The following KCNIP4 variants were observed in gnomAD, a reference collection of about 807,000 sequenced individuals.
KCNIP4 encodes the protein potassium voltage-gated channel interacting protein 4.
Under a neutral mutation model 34.0 loss-of-function variants are expected in KCNIP4, and 12 were observed. That is an observed-to-expected ratio of 0.35 (90% CI 0.23 to 0.57). The LOEUF (loss-of-function observed/expected upper bound fraction) is 0.57, where lower values mean the gene tolerates loss of function less well. KCNIP4 is among the 20% of genes least tolerant of loss of function. The pLI is 0.83. For missense variants in KCNIP4, 238 were observed against 311.7 expected, an observed-to-expected ratio of 0.76 and a Z score of 1.78; for synonymous variants, 124 against 102.2, an observed-to-expected ratio of 1.21 and a Z score of -1.29.
intron 1 of KCNIP4, among the ~76,000 whole-genome samples, chr4:21,922,241 C>T (rs540421217): frequency 6.6e-6 from 1 of 152,302 alleles, no homozygotes; most frequent in South Asian, 2.1e-4. Context: ...CACCCTACTG[C>T]TCTTGGCCCA....
intron 1 of KCNIP4, among the ~76,000 whole-genome samples, chr4:21,346,080 T>A (rs946566992): frequency 7.9e-6 from 1 of 127,238 alleles, no homozygotes; most frequent in Non-Finnish European, 1.6e-5. Context: ...ATATATATAT[T>A]TAAGATATTT....
At chr4:21,115,426 T>C (rs1375964990) in intron 1 of KCNIP4, among the ~76,000 whole-genome samples, 1 of 152,198 alleles carries the variant, frequency 6.6e-6, no homozygotes, top group Non-Finnish European at 1.5e-5. Context: ...TTCCTGTTGT[T>C]TAAATGAATA....
At chr4:20,998,084 T>C (rs376443125) in intron 1 of KCNIP4, among the ~76,000 whole-genome samples, 4 of 152,096 alleles carry the variant, frequency 2.6e-5, no homozygotes, top group African/African-American at 9.6e-5. Flanking sequence ...AAGGAGATAA[T>C]TGAAGTGACA....
At chr4:21,628,714 G>GA (rs1053116308) in intron 1 of KCNIP4, among the ~76,000 whole-genome samples, 7 of 151,432 alleles carry the variant, frequency 4.6e-5, no homozygotes, top group African/African-American at 1.7e-4. Context: ...AACGGCACTA[G>GA]AAAAAAAACA....
At chr4:20,980,078 C>T (rs1197454572) in intron 1 of KCNIP4, among the ~76,000 whole-genome samples, 1 of 152,212 alleles carries the variant, frequency 6.6e-6, no homozygotes, top group Non-Finnish European at 1.5e-5. Context: ...CTCCATTAAA[C>T]CTTCTCTGGA....
At chr4:21,308,226 A>T (rs1712705394) in intron 1 of KCNIP4, among the ~76,000 whole-genome samples, 1 of 152,212 alleles carries the variant, frequency 6.6e-6, no homozygotes. Flanking sequence ...CGTTTGGATT[A>T]CTTAAACTTG....
At chr4:21,875,383 T>C (rs1726051088) in intron 1 of KCNIP4, among the ~76,000 whole-genome samples, 1 of 152,170 alleles carries the variant, frequency 6.6e-6, no homozygotes, top group Admixed American at 6.5e-5. Flanking sequence ...TTCAAACAAA[T>C]AAATAGATAG....
intron 3 of KCNIP4, among the ~76,000 whole-genome samples, chr4:20,831,183 A>C (rs1718389066): frequency 6.9e-6 from 1 of 145,064 alleles, no homozygotes; most frequent in African/African-American, 2.5e-5. Flanking sequence ...GAGCATCAGG[A>C]TCTAGCACAT....
At chr4:21,422,165 GTATTT>G (rs1424019637) in intron 1 of KCNIP4, among the ~76,000 whole-genome samples, 1 of 151,124 alleles carries the variant, frequency 6.6e-6, no homozygotes, top group African/African-American at 2.4e-5. Context: ...ACAGACAGAA[GTATTT>G]TATATTATAA....
chr4:21,610,922 A>G (rs927650258), intron 1 of KCNIP4, among the ~76,000 whole-genome samples: 5 of 151,864 alleles, frequency 3.3e-5, no homozygotes, highest in African/African-American at 1.2e-4. Context: ...GCACCCATCA[A>G]CTCATCATCT....
intron 1 of KCNIP4, among the ~76,000 whole-genome samples, chr4:21,768,834 TATG>T (rs1718592590): frequency 6.6e-6 from 1 of 152,182 alleles, no homozygotes. Flanking sequence ...AATTGGGTTA[TATG>T]ATGTTTATCA....
rs183632406 is a variant in KCNIP4 at position 21,259,820 on chromosome 4, C to T, written c.62-377111G>A. On this transcript the variant is annotated intron_variant, in intron 1 of 8. Coordinates refer to ENST00000382152, the MANE Select transcript of KCNIP4 (RefSeq NM_025221.6). ...AGGTTCTTTCCAACAAAAGAAACTC[C>T]TGCTTCTCCTTCTATCAAAGGGAAC... 1.3e-3 allele frequency among the ~76,000 whole-genome samples: 201 copies of T among 151,932 alleles called. 1 individual carries two copies. Among genetic ancestry groups the T allele is most frequent in the African/African-American group, 4.5e-3 (187 of 41,430 alleles).
chr4:21,143,910 A>G (rs945431763), intron 1 of KCNIP4, among the ~76,000 whole-genome samples: 5 of 151,530 alleles, frequency 3.3e-5, no homozygotes, highest in African/African-American at 1.2e-4. Flanking sequence ...GGGTTTCACC[A>G]TCTTGGCCAG....
chr4:21,113,454 TTAAAAAAAAAA>T (rs1749410258), intron 1 of KCNIP4, among the ~76,000 whole-genome samples: 7 of 55,688 alleles, frequency 1.3e-4, no homozygotes, highest in African/African-American at 5.5e-4. Context: ...ATCTATAAGT[TTAAAAAAAAAA>T]AAAAAAAAAA....
At chr4:20,954,370 A>G (rs1353471806) in intron 1 of KCNIP4, among the ~76,000 whole-genome samples, 1 of 152,240 alleles carries the variant, frequency 6.6e-6, no homozygotes, top group East Asian at 1.9e-4. Flanking sequence ...CAAAGTGAAC[A>G]TTACATTAGT....
At chr4:21,553,729 G>T (rs2874949) in intron 1 of KCNIP4, among the ~76,000 whole-genome samples, 71,175 of 151,260 alleles carry the variant, frequency 0.47, 16,818 homozygotes, top group East Asian at 0.66. Context: ...ATGAAACAAA[G>T]TTCTTTGTGT....
rs1235532235 is a variant in KCNIP4, at chr4:21,341,311, A to G, written c.62-458602T>C. Among the ~76,000 whole-genome samples the G allele has an allele frequency of 3.3e-5, 5 of 152,098 alleles. No individual in the cohort carries two copies. The East Asian group carries it at 9.7e-4, about 29-fold the overall frequency. On this transcript the variant is annotated intron_variant, in intron 1 of 8. Transcript: ENST00000382152. ...CCAATTTTTTACAGCAGCCTAGGAAACTAACACTGGTTCTAAATGACAAAT... is the reference window on the plus strand; with the variant it reads ...CCAATTTTTTACAGCAGCCTAGGAAGCTAACACTGGTTCTAAATGACAAAT...
chr4:21,827,486 A>G (rs550424669), intron 1 of KCNIP4, among the ~76,000 whole-genome samples: 1 of 152,190 alleles, frequency 6.6e-6, no homozygotes, highest in Admixed American at 6.6e-5. Context: ...ACAAAAAGGA[A>G]GAATTTCAGA....
chr4:20,829,209 ATTTTAT>A (rs932424396), intron 3 of KCNIP4, among the ~76,000 whole-genome samples: 9 of 36,890 alleles, frequency 2.4e-4, no homozygotes, highest in South Asian at 1.5e-3. Flanking sequence ...TTTATTTTTT[ATTTTAT>A]TTTTTTTTTT....
Sources: allele counts gnomAD v4.1 joint callset (sites outside exome capture counted in the v4.1 genomes callset), GRCh38; gene constraint gnomAD v4.1.1; transcripts MANE v1.5; gene names NCBI Gene and HGNC (gene_info 2026-07-23, HGNC 2026-07-21).